TMEM117: variants seen among roughly 807,000 people sequenced by gnomAD.
TMEM117 encodes transmembrane protein 117.
TMEM117 carries 27 observed loss-of-function variants against 52.4 expected under a neutral mutation model. The ratio of observed to expected loss-of-function variants is 0.51; its 90% confidence interval spans 0.38 to 0.71. The LOEUF (loss-of-function observed/expected upper bound fraction) is 0.71. Ranked by LOEUF, TMEM117 falls within the 30% of genes least tolerant of loss-of-function variation. The probability of loss-of-function intolerance (pLI) is 0.00; values close to 1 mark genes in which losing one functional copy is unlikely to be tolerated. For missense variants in TMEM117, 556 were observed against 630.5 expected (o/e 0.88, Z 1.26); for synonymous variants, 215 against 206.3 (o/e 1.04, Z -0.36).
intron 3 of TMEM117, among the ~76,000 whole-genome samples, chr12:44,119,414 C>G (rs1385889817): frequency 6.6e-6 from 1 of 152,172 alleles, no homozygotes; most frequent in Non-Finnish European, 1.5e-5. Context: ...CTAGTGAACA[C>G]TCAACTGAAT....
chr12:44,115,220 A>G (rs1365498008), intron 3 of TMEM117, among the ~76,000 whole-genome samples: 3 of 152,214 alleles, frequency 2.0e-5, no homozygotes, highest in African/African-American at 4.8e-5. Context: ...ATCAGAGTTG[A>G]GGATGAGTTA....
At chr12:44,058,770 CT>C (rs938960265) in intron 3 of TMEM117, among the ~76,000 whole-genome samples, 3 of 152,080 alleles carry the variant, frequency 2.0e-5, no homozygotes, top group Non-Finnish European at 2.9e-5. Flanking sequence ...TCTTCAGTTT[CT>C]TTTTTTGTTC....
rs192688492 is a variant in TMEM117, at chr12:44,078,795, G to A, written c.411-64730G>A. Among the ~76,000 whole-genome samples the A allele has an allele frequency of 2.1e-3, 318 of 152,016 alleles. 4 individuals are homozygous for A. The highest frequency in any genetic ancestry group is 7.4e-3 in the African/African-American group (305 of 41,448). On this transcript the variant is annotated intron_variant, in intron 3 of 7. Coordinates refer to ENST00000266534, the MANE Select transcript of TMEM117 (RefSeq NM_032256.3). ...TATATAGGTATACACATGCCATGGTGGTTTGCTGCAGCCATCAACCCATCA... is the reference window on the plus strand; with the variant it reads ...TATATAGGTATACACATGCCATGGTAGTTTGCTGCAGCCATCAACCCATCA...
intron 4 of TMEM117, among the ~76,000 whole-genome samples, chr12:44,198,162 A>G (rs1215799388): frequency 6.6e-6 from 1 of 152,104 alleles, no homozygotes; most frequent in Non-Finnish European, 1.5e-5. Flanking sequence ...GTTGGAAGTG[A>G]TATTGTGTAA....
chr12:43,888,619 C>T (rs1302912208), intron 2 of TMEM117, among the ~76,000 whole-genome samples: 1 of 147,772 alleles, frequency 6.8e-6, no homozygotes, highest in Non-Finnish European at 1.5e-5. Flanking sequence ...ATGATCTCGG[C>T]TCACTGCAAG....
At chr12:44,198,220 T>C (rs1471802311) in intron 4 of TMEM117, among the ~76,000 whole-genome samples, 4 of 152,168 alleles carry the variant, frequency 2.6e-5, no homozygotes, top group African/African-American at 9.7e-5. Context: ...TGTGTATGGT[T>C]AGAATAGGAA....
chr12:44,016,061 T>C (rs144232638), intron 3 of TMEM117, among the ~76,000 whole-genome samples: 52 of 152,196 alleles, frequency 3.4e-4, no homozygotes, highest in African/African-American at 1.2e-3. Context: ...GTCACCCCCG[T>C]TGAATGGATT....
chr12:44,282,225 G>C (rs1416160320), intron 5 of TMEM117, among the ~76,000 whole-genome samples: 2 of 152,098 alleles, frequency 1.3e-5, no homozygotes, highest in Non-Finnish European at 2.9e-5. Flanking sequence ...CCCCGTCTCA[G>C]GTATGTCAGT....
At chr12:44,376,860 G>A in intron 7 of TMEM117, 136 bp downstream of exon 7, 1 of 947,328 alleles carries the variant, frequency 1.1e-6, no homozygotes, top group Non-Finnish European at 1.5e-6. Flanking sequence ...ACAGTGCAAG[G>A]TGGTTTTCAG....
chr12:43,969,661 T>G (rs1211341155), intron 3 of TMEM117, among the ~76,000 whole-genome samples: 2 of 152,182 alleles, frequency 1.3e-5, no homozygotes, highest in African/African-American at 4.8e-5. Flanking sequence ...CACTAAAAGG[T>G]TTCTGTGCCT....
intron 5 of TMEM117, among the ~76,000 whole-genome samples, chr12:44,266,515 A>G (rs1018701040): frequency 6.6e-6 from 1 of 152,130 alleles, no homozygotes; most frequent in Non-Finnish European, 1.5e-5. Context: ...TATATTCTGC[A>G]TATAAGGCAC....
intron 2 of TMEM117, among the ~76,000 whole-genome samples, chr12:43,922,773 ACTATT>A (rs1335860587): frequency 1.3e-5 from 2 of 152,142 alleles, no homozygotes; most frequent in African/African-American, 4.8e-5. Context: ...CATTTTGTAG[ACTATT>A]TGTTTCTTCT....
chr12:44,018,187 T>G (rs1453796990), intron 3 of TMEM117, among the ~76,000 whole-genome samples: 1 of 152,162 alleles, frequency 6.6e-6, no homozygotes, highest in Non-Finnish European at 1.5e-5. Context: ...TGTGGAGAAT[T>G]GAACTAACTC....
At chr12:44,345,560 A>G (rs1263497315) in intron 6 of TMEM117, among the ~76,000 whole-genome samples, 1 of 152,132 alleles carries the variant, frequency 6.6e-6, no homozygotes, top group African/African-American at 2.4e-5. Context: ...GGAGCACAAA[A>G]TAGATCCCAA....
At chr12:43,967,419 AGCCACAT>A (rs575665748) in intron 3 of TMEM117, among the ~76,000 whole-genome samples, 77 of 152,256 alleles carry the variant, frequency 5.1e-4, no homozygotes, top group Admixed American at 1.1e-3. Flanking sequence ...CACTGCACCC[AGCCACAT>A]GTTACTTCTG....
rs181959394 is a variant in TMEM117 at position 44,149,342 on chromosome 12, A to G, written c.510+5718A>G. Among the ~76,000 whole-genome samples, 301 of 152,290 alleles carry G rather than the reference A, an allele frequency of 2.0e-3. 3 individuals are homozygous for G. Among genetic ancestry groups the G allele is most frequent in the Middle Eastern group, 6.8e-3 (2 of 294 alleles). On this transcript the variant is annotated intron_variant, in intron 4 of 7. Transcript: ENST00000266534. ...TGGACAGAGAGAATTAAAGAATGGC[A>G]TATACTTGAGAGTAAATACCATTAC...
chr12:44,080,820 T>C (rs1372163603), intron 3 of TMEM117, among the ~76,000 whole-genome samples: 1 of 152,240 alleles, frequency 6.6e-6, no homozygotes, highest in Admixed American at 6.5e-5. Context: ...TCTGATGTAT[T>C]GTCTGTTACA....
chr12:43,853,747 A>G (rs934656217), intron 2 of TMEM117, among the ~76,000 whole-genome samples: 16 of 152,258 alleles, frequency 1.1e-4, no homozygotes, highest in Admixed American at 2.0e-4. Context: ...TCGAGTATCA[A>G]ATGAATAGTA....
chr12:44,262,071 T>G (rs1197525134), intron 5 of TMEM117, among the ~76,000 whole-genome samples: 1 of 152,200 alleles, frequency 6.6e-6, no homozygotes, highest in East Asian at 1.9e-4. Context: ...TTAATGTAGG[T>G]GTGAACCAGC....
Sources: gnomAD v4.1 joint callset for allele counts (sites outside exome capture counted in the v4.1 genomes callset) on GRCh38, gnomAD v4.1.1 for gene constraint, MANE v1.5 for transcripts, NCBI Gene and HGNC (gene_info 2026-07-23, HGNC 2026-07-21) for gene names.